SLC39A11: variants seen among roughly 807,000 people sequenced by gnomAD.
SLC39A11 encodes the protein zinc transporter ZIP11.
SLC39A11 carries 33 observed loss-of-function variants against 36.1 expected under a neutral mutation model. That is an observed-to-expected ratio of 0.91 (90% CI 0.69 to 1.22). The LOEUF (loss-of-function observed/expected upper bound fraction) is 1.22, where lower values mean the gene tolerates loss of function less well. Ranked by LOEUF, SLC39A11 falls within the 50% of genes most tolerant of loss-of-function variation. The pLI, the probability that SLC39A11 is intolerant of heterozygous loss-of-function variation, is 0.00. For synonymous variants in SLC39A11, 166 were observed against 170.3 expected (o/e 0.97, Z 0.20); for missense variants, 432 against 430.3 (o/e 1.00, Z -0.03).
intron 5 of SLC39A11, among the ~76,000 whole-genome samples, chr17:72,854,698 T>A (rs2079547017): frequency 1.3e-5 from 2 of 152,070 alleles, no homozygotes; most frequent in Admixed American, 1.3e-4. Flanking sequence ...TAATTGAGCA[T>A]CTAAGAATTC....
chr17:72,658,659 G>A (rs1217088044), intron 7 of SLC39A11, among the ~76,000 whole-genome samples: 1 of 152,194 alleles, frequency 6.6e-6, no homozygotes. Context: ...AATGCCTTTG[G>A]AGGCCCTGTG....
At chr17:72,701,524 T>C (rs1283195880) in intron 7 of SLC39A11, among the ~76,000 whole-genome samples, 2 of 152,036 alleles carry the variant, frequency 1.3e-5, no homozygotes, top group East Asian at 1.9e-4. Flanking sequence ...GGTCAGGAGT[T>C]CGAGACCAGC....
chr17:72,805,017 AAATAAT>A (rs370336789), intron 6 of SLC39A11, among the ~76,000 whole-genome samples: 16 of 152,048 alleles, frequency 1.1e-4, no homozygotes, highest in African/African-American at 2.4e-5. Flanking sequence ...TCCATCTCAC[AAATAAT>A]AATAATAATA....
At chr17:72,870,753 AG>A (rs2080568131) in intron 5 of SLC39A11, among the ~76,000 whole-genome samples, 1 of 152,360 alleles carries the variant, frequency 6.6e-6, no homozygotes, top group East Asian at 1.9e-4. Context: ...TAACTGGAAA[AG>A]GTTTGCCTGC....
intron 6 of SLC39A11, among the ~76,000 whole-genome samples, chr17:72,768,644 T>C (rs901162659): frequency 6.6e-6 from 1 of 152,220 alleles, no homozygotes; most frequent in Admixed American, 6.5e-5. Context: ...ATCTCATATG[T>C]GACTGGCATA....
chr17:72,864,169 T>C lies in SLC39A11; in HGVS notation c.431-14365A>G, dbSNP rs1262007740. Among the ~76,000 whole-genome samples, 5 of 152,366 alleles carry C rather than the reference T, an allele frequency of 3.3e-5. No homozygotes were observed. In the South Asian group the frequency reaches 1.0e-3, roughly 32 times the overall value. ...ACCGGGGCCACCTTTTCTCACACTA[T>C]GACTACGAATTACCTGGAGATTTAA... On this transcript the variant is annotated intron_variant, in intron 5 of 9. Transcript: ENST00000255559.
At chr17:72,784,427 G>T (rs1307053088) in intron 6 of SLC39A11, among the ~76,000 whole-genome samples, 1 of 152,278 alleles carries the variant, frequency 6.6e-6, no homozygotes, top group East Asian at 1.9e-4. Context: ...AAGACAGGGG[G>T]TTTGACACCA....
chr17:72,927,334 T>C (rs1206568044), intron 5 of SLC39A11, among the ~76,000 whole-genome samples: 1 of 152,310 alleles, frequency 6.6e-6, no homozygotes, highest in Non-Finnish European at 1.5e-5. Context: ...AGTGCTGGGA[T>C]TACAGGCATG....
intron 5 of SLC39A11, among the ~76,000 whole-genome samples, chr17:72,899,536 C>A (rs1459901209): frequency 6.6e-6 from 1 of 152,152 alleles, no homozygotes; most frequent in Non-Finnish European, 1.5e-5. Flanking sequence ...CACCACAATT[C>A]CTCTCCGGCC....
chr17:72,812,297 G>C (rs2077457647), intron 6 of SLC39A11, among the ~76,000 whole-genome samples: 1 of 152,182 alleles, frequency 6.6e-6, no homozygotes, highest in African/African-American at 2.4e-5. Context: ...TTTTCTCCCA[G>C]GGTCAGCTTT....
chr17:72,838,897 G>A (rs551470924), intron 6 of SLC39A11: 2 of 152,174 alleles, frequency 1.3e-5, no homozygotes, highest in African/African-American at 4.8e-5. Flanking sequence ...AGGGGAAAAG[G>A]GCCCATGAGA....
chr17:73,064,974 C>A (rs2059956070), intron 3 of SLC39A11, among the ~76,000 whole-genome samples: 1 of 152,170 alleles, frequency 6.6e-6, no homozygotes, highest in South Asian at 2.1e-4. Context: ...AGGGCTTCCC[C>A]TTTCTCCCTC....
At chr17:72,763,587 T>C (rs2075664258) in intron 6 of SLC39A11, among the ~76,000 whole-genome samples, 2 of 152,224 alleles carry the variant, frequency 1.3e-5, no homozygotes, top group African/African-American at 2.4e-5. Flanking sequence ...TTAAGAGCTG[T>C]TCACAAACTC....
At chr17:72,887,023 C>T (rs1019201153) in intron 5 of SLC39A11, among the ~76,000 whole-genome samples, 2 of 152,196 alleles carry the variant, frequency 1.3e-5, no homozygotes, top group Non-Finnish European at 2.9e-5. Context: ...CATCCCAGTA[C>T]CCTGCTTTTC....
chr17:72,712,032 T>G (rs561398268), intron 7 of SLC39A11, among the ~76,000 whole-genome samples: 1 of 152,230 alleles, frequency 6.6e-6, no homozygotes, highest in East Asian at 1.9e-4. Context: ...AGTGAGGGAT[T>G]AGACTGATGC....
Position 72,995,917 on chromosome 17 carries a change from T to C in SLC39A11, c.306+35639A>G, listed in dbSNP as rs142941471. Among the ~76,000 whole-genome samples the C allele has an allele frequency of 3.7e-3, 565 of 152,254 alleles. 4 individuals are homozygous for C. Among genetic ancestry groups the C allele is most frequent in the Non-Finnish European group, 4.5e-3 (308 of 68,018 alleles). On this transcript the variant is annotated intron_variant, in intron 4 of 9. Transcript: ENST00000255559. ...GCCAAAAATAATCTCCCACATCCAA[T>C]TGGTTACCAAGTCTAGCTGTTTCTT...
At chr17:73,074,689 C>T (rs2144599968) in intron 3 of SLC39A11, among the ~76,000 whole-genome samples, 1 of 152,270 alleles carries the variant, frequency 6.6e-6, no homozygotes, top group Non-Finnish European at 1.5e-5. Context: ...CAAGCCATCA[C>T]TGGAGAGCAT....
intron 6 of SLC39A11, among the ~76,000 whole-genome samples, chr17:72,799,977 T>TA (rs1211570932): frequency 6.6e-6 from 1 of 152,144 alleles, no homozygotes; most frequent in African/African-American, 2.4e-5. Flanking sequence ...ATCACGGTCC[T>TA]ACTGATATGT....
chr17:73,010,773 T>C (rs940052877), intron 4 of SLC39A11, among the ~76,000 whole-genome samples: 2 of 152,218 alleles, frequency 1.3e-5, no homozygotes, highest in African/African-American at 4.8e-5. Context: ...TTTTGTCTCC[T>C]GCGTGTTTAA....
Sources: allele counts gnomAD v4.1 joint callset (sites outside exome capture counted in the v4.1 genomes callset), GRCh38; gene constraint gnomAD v4.1.1; transcripts MANE v1.5; gene names NCBI Gene and HGNC (gene_info 2026-07-23, HGNC 2026-07-21).